The following TSPAN11 variants were observed in gnomAD, a reference collection of about 807,000 sequenced individuals.
TSPAN11 encodes the protein tetraspanin 11, also known as tetraspanin-11.
TSPAN11 carries 29 observed loss-of-function variants against 32.9 expected under a neutral mutation model. That is an observed-to-expected ratio of 0.88 (90% confidence interval 0.66 to 1.20). The LOEUF (loss-of-function observed/expected upper bound fraction) is 1.20. TSPAN11 is among the 50% of genes most tolerant of loss of function. The pLI, the probability that TSPAN11 is intolerant of heterozygous loss-of-function variation, is 0.00. For missense variants in TSPAN11, 283 were observed against 329.1 expected (o/e 0.86, Z 1.08); for synonymous variants, 140 against 141.3 (o/e 0.99, Z 0.07).
intron 2 of TSPAN11, 47 bp downstream of exon 2, chr12:30,954,122 G>A (rs746826690): frequency 6.9e-7 from 1 of 1,447,478 alleles, no homozygotes; most frequent in South Asian, 1.1e-5. Context: ...CACTGAATGA[G>A]TCAAGCCACC....
At chr12:30,968,458 C>T (rs1349673081) in intron 3 of TSPAN11, among the ~76,000 whole-genome samples, 1 of 152,206 alleles carries the variant, frequency 6.6e-6, no homozygotes, top group Non-Finnish European at 1.5e-5. Flanking sequence ...AAATGATGAT[C>T]AGCTTGGCAT....
chr12:30,976,080 C>T (rs1210623461), intron 3 of TSPAN11, among the ~76,000 whole-genome samples: 1 of 152,156 alleles, frequency 6.6e-6, no homozygotes, highest in East Asian at 1.9e-4. Context: ...ATGCCTCACC[C>T]TGGGTGGGGT....
At chr12:30,957,268 G>C (rs979931970) in intron 2 of TSPAN11, among the ~76,000 whole-genome samples, 1 of 139,054 alleles carries the variant, frequency 7.2e-6, no homozygotes, top group African/African-American at 2.6e-5. Context: ...GCCCCTCTGT[G>C]CTGCCAGGAT....
intron 3 of TSPAN11, among the ~76,000 whole-genome samples, chr12:30,974,830 G>A (rs1411476988): frequency 6.6e-6 from 1 of 152,242 alleles, no homozygotes; most frequent in Non-Finnish European, 1.5e-5. Context: ...CGAAGGGGAG[G>A]GACACAGAGG....
At chr12:30,946,012 G>A (rs1938259556) in intron 1 of TSPAN11, among the ~76,000 whole-genome samples, 1 of 152,210 alleles carries the variant, frequency 6.6e-6, no homozygotes, top group Non-Finnish European at 1.5e-5. Flanking sequence ...AGAGGACAGG[G>A]CCAGCCTTGT....
At chr12:31,005,074 G>A in the TSPAN11 span, among the ~76,000 whole-genome samples, 1 of 152,200 alleles carries the variant, frequency 6.6e-6, no homozygotes, top group Admixed American at 6.5e-5. Flanking sequence ...TGTGGGGGTT[G>A]CATAGTGATT....
chr12:31,011,927 G>C, the TSPAN11 span, among the ~76,000 whole-genome samples: 1 of 152,214 alleles, frequency 6.6e-6, no homozygotes, highest in Non-Finnish European at 1.5e-5. Context: ...TGGGCTGTGG[G>C]TAGGGCCAGT....
intron 2 of TSPAN11, among the ~76,000 whole-genome samples, chr12:30,962,798 A>C (rs2352617): frequency 0.9 from 136,324 of 152,184 alleles, 61,098 homozygotes; most frequent in East Asian, 0.95. Flanking sequence ...AGAAGTCCAC[A>C]TTCCCAGGAG....
In TSPAN11 at chr12:30,992,534, C is replaced by T. The variant is rs557232646; in HGVS notation, c.*619C>T. On this transcript the variant is annotated 3_prime_UTR_variant, in exon 8 of 8. Coordinates refer to ENST00000546076, the MANE Select transcript of TSPAN11 (RefSeq NM_001370302.1). The stretch of plus-strand genomic sequence containing the variant: ...AGGGCAGCCACAGGCTGGGTAGAGC[C>T]GCCCTGGCAGGAAGCAGGGGGTAAG... 2.6e-4 allele frequency: 41 copies of T among 157,092 alleles called. No homozygotes were observed. The highest frequency in any genetic ancestry group is 7.7e-4 in the African/African-American group (32 of 41,658). The allele number at this position is 157,092 out of a possible 1,614,324, so 9.7% of individuals were successfully genotyped here. A position where few individuals can be genotyped will look rare whatever the true frequency, so the allele number is the denominator to read the frequency against.
At chr12:30,956,701 G>A (rs1938484656) in intron 2 of TSPAN11, among the ~76,000 whole-genome samples, 1 of 140,686 alleles carries the variant, frequency 7.1e-6, no homozygotes, top group African/African-American at 2.8e-5. Flanking sequence ...CCACCCAGGA[G>A]ATGTTTCTTT....
At chr12:31,011,431 A>G in the TSPAN11 span, among the ~76,000 whole-genome samples, 3 of 152,306 alleles carry the variant, frequency 2.0e-5, 1 homozygote, top group African/African-American at 7.2e-5. Context: ...CAACTCAAGA[A>G]ATGCCAATCA....
At chr12:30,991,797 G>T (rs1565806530) in intron 7 of TSPAN11, 59 bp from the exon 8 acceptor site, 3 of 1,596,778 alleles carry the variant, frequency 1.9e-6, no homozygotes, top group Non-Finnish European at 2.6e-6. Context: ...GGCCCTGAGG[G>T]CCGGCAGCTT....
At chr12:30,930,913 C>T (rs1007246911) in intron 1 of TSPAN11, among the ~76,000 whole-genome samples, 1 of 152,230 alleles carries the variant, frequency 6.6e-6, no homozygotes, top group African/African-American at 2.4e-5. Context: ...GCAGCCTCAC[C>T]CTCCCTCTCT....
intron 1 of TSPAN11, among the ~76,000 whole-genome samples, chr12:30,933,612 C>T (rs529058484): frequency 2.7e-4 from 41 of 152,334 alleles, no homozygotes; most frequent in African/African-American, 9.1e-4. Flanking sequence ...TCCTCTGCAG[C>T]ATCCAACCAG....
At chr12:30,958,229 G>A (rs1356909100) in intron 2 of TSPAN11, among the ~76,000 whole-genome samples, 2 of 152,132 alleles carry the variant, frequency 1.3e-5, no homozygotes, top group African/African-American at 4.8e-5. Flanking sequence ...CAGCAGAGGA[G>A]GTAGTGTTCT....
intron 2 of TSPAN11, among the ~76,000 whole-genome samples, chr12:30,957,426 A>G (rs1042626532): frequency 1.3e-5 from 2 of 152,154 alleles, no homozygotes; most frequent in African/African-American, 2.4e-5. Flanking sequence ...TGTAGCCCAG[A>G]CACCAATGAC....
chr12:31,007,044 AG>A, the TSPAN11 span, among the ~76,000 whole-genome samples: 3 of 152,168 alleles, frequency 2.0e-5, no homozygotes, highest in East Asian at 3.9e-4. Flanking sequence ...CCATCGGTGT[AG>A]GGGGGGCCCC....
intron 2 of TSPAN11, among the ~76,000 whole-genome samples, chr12:30,959,294 C>T (rs1052360851): frequency 2.0e-5 from 3 of 152,060 alleles, no homozygotes; most frequent in Non-Finnish European, 4.4e-5. Context: ...AACTCACCTG[C>T]CCAGGACAGA....
chr12:30,943,304 G>C (rs1184191445), intron 1 of TSPAN11, among the ~76,000 whole-genome samples: 4 of 152,078 alleles, frequency 2.6e-5, no homozygotes, highest in Non-Finnish European at 5.9e-5. Flanking sequence ...TGCGTGTCTG[G>C]GTCTCACTTA....
Sources: allele counts gnomAD v4.1 joint callset (sites outside exome capture counted in the v4.1 genomes callset), GRCh38; gene constraint gnomAD v4.1.1; transcripts MANE v1.5; gene names NCBI Gene and HGNC (gene_info 2026-07-23, HGNC 2026-07-21).